Variants in SGPP2 observed in about 807,000 individuals in gnomAD.
SGPP2 encodes sphingosine 1-phosphate phosphohydrolase 2.
SGPP2 carries 30 observed loss-of-function variants against 33.9 expected under a neutral mutation model. That is an observed-to-expected ratio of 0.89 (90% CI 0.66 to 1.20). The LOEUF is 1.20. Among genes scored for constraint, SGPP2 ranks in the 50% most tolerant of loss-of-function variants. The pLI, the probability that SGPP2 is intolerant of heterozygous loss-of-function variation, is 0.00. For synonymous variants in SGPP2, 233 were observed against 225.0 expected (o/e 1.04, Z -0.32); for missense variants, 458 against 532.1 (o/e 0.86, Z 1.37).
chr2:222,493,673 A>G (rs1698231824), intron 2 of SGPP2, among the ~76,000 whole-genome samples: 2 of 152,246 alleles, frequency 1.3e-5, no homozygotes, highest in Admixed American at 1.3e-4. Context: ...TTAATTTTGT[A>G]AAGCATTAAT....
intron 4 of SGPP2, among the ~76,000 whole-genome samples, chr2:222,546,180 A>AT (rs146865056): frequency 0.038 from 5,807 of 152,206 alleles, 222 homozygotes; most frequent in African/African-American, 0.099. Context: ...GATTTATTTG[A>AT]TTTTTTTAAA....
At chr2:222,552,855 C>T (rs1689320388) in intron 4 of SGPP2, among the ~76,000 whole-genome samples, 1 of 152,132 alleles carries the variant, frequency 6.6e-6, no homozygotes, top group African/African-American at 2.4e-5. Context: ...AGCGAAACTC[C>T]ATCTCAAACA....
chr2:222,424,006 G>T (rs1256410875), upstream of SGPP2, among the ~76,000 whole-genome samples: 1 of 152,116 alleles, frequency 6.6e-6, no homozygotes, highest in Non-Finnish European at 1.5e-5. Flanking sequence ...GTTGCATCAC[G>T]CAGTTTGGAA....
chr2:222,530,835 C>G (rs1698826757), intron 4 of SGPP2, among the ~76,000 whole-genome samples: 1 of 152,120 alleles, frequency 6.6e-6, no homozygotes, highest in Non-Finnish European at 1.5e-5. Context: ...TTTTGAAATG[C>G]CTTCCTCACT....
chr2:222,558,422 C>T lies in SGPP2; in HGVS notation c.724C>T (p.Leu242=). Residue 242 remains leucine (L), a synonymous_variant, in exon 5 of 5, where the codon CTG becomes TTG. Coordinates refer to ENST00000321276, the MANE Select transcript of SGPP2 (RefSeq NM_152386.4). ...TYPAWTFIDC[L]DSASPLFPVC... is the part of the protein sequence containing the mutation. Reference sequence around the variant, plus strand: ...CCCTGCCTGGACCTTCATCGACTGCCTGGACTCGGCCAGCCCCCTCTTCCC... The same window carrying T: ...CCCTGCCTGGACCTTCATCGACTGCTTGGACTCGGCCAGCCCCCTCTTCCC... 1 of 1,614,192 alleles carries T rather than the reference C, an allele frequency of 6.2e-7. No homozygotes were observed. The highest frequency in any genetic ancestry group is 1.3e-5 in the African/African-American group (1 of 75,044).
chr2:222,476,809 C>A lies in SGPP2; in HGVS notation c.378+2083C>A, dbSNP rs1184809733. Among the ~76,000 whole-genome samples the A allele has an allele frequency of 6.8e-6, 1 of 147,470 alleles. No homozygotes were observed. Among genetic ancestry groups the A allele is most frequent in the East Asian group, 2.0e-4 (1 of 4,914 alleles). On this transcript the variant is annotated intron_variant, in intron 2 of 4. Coordinates refer to ENST00000321276, the MANE Select transcript of SGPP2 (RefSeq NM_152386.4). This position sits in a 1 kb window ranked among gnomAD's most constrained non-coding sequence, Gnocchi z 4.3. ...GTATACAGGTGTGTGTATATCCGTG[C>A]GTGTATATAGGTGTGTGTATATGTG...
At chr2:222,492,859 G>C (rs943625249) in intron 2 of SGPP2, among the ~76,000 whole-genome samples, 1 of 152,202 alleles carries the variant, frequency 6.6e-6, no homozygotes, top group African/African-American at 2.4e-5. Context: ...CAAAATGCCA[G>C]CAGTCTCTTT....
rs567686873 is a variant in SGPP2, at chr2:222,521,919, C to T, written c.531C>T (p.Leu177=). ...CGGCCACTGCCATTGCCTTCACCCTCCTTATCTCTACTATGGACAGATACC... is the reference window on the plus strand; with the variant it reads ...CGGCCACTGCCATTGCCTTCACCCTTCTTATCTCTACTATGGACAGATACC... The part of the protein sequence containing the change: ...AMAATAIAFT[L]LISTMDRYQY... The change falls in exon 3 of 5, where the codon CTC becomes CTT. Residue 177 remains leucine (L), a synonymous_variant. Transcript: ENST00000321276. 6.9e-6 allele frequency: 11 copies of T among 1,600,878 alleles called. No homozygotes were observed. The South Asian group carries it at 1.0e-4, about 15-fold the overall frequency.
chr2:222,545,710 C>A (rs577778157), intron 4 of SGPP2, among the ~76,000 whole-genome samples: 3 of 152,226 alleles, frequency 2.0e-5, no homozygotes, highest in Non-Finnish European at 4.4e-5. Flanking sequence ...AAAAGGGAAC[C>A]ATGTTCTCAA....
chr2:222,515,915 G>A (rs1698597761), intron 2 of SGPP2, among the ~76,000 whole-genome samples: 1 of 152,076 alleles, frequency 6.6e-6, no homozygotes. Context: ...AGGTGTGGTA[G>A]CGCGTGACTG....
intron 1 of SGPP2, among the ~76,000 whole-genome samples, chr2:222,471,392 A>G (rs1697839387): frequency 6.6e-6 from 1 of 152,046 alleles, no homozygotes; most frequent in Admixed American, 6.6e-5. Context: ...TGTCAAGTAC[A>G]GTTATGTTCT....
chr2:222,514,050 T>C (rs2106127525), intron 2 of SGPP2, among the ~76,000 whole-genome samples: 1 of 152,376 alleles, frequency 6.6e-6, no homozygotes, highest in East Asian at 1.9e-4. Context: ...ATATTCCTTT[T>C]ACTTTCTTAA....
At chr2:222,517,528 T>TA (rs1681036584) in intron 2 of SGPP2, among the ~76,000 whole-genome samples, 1 of 152,088 alleles carries the variant, frequency 6.6e-6, no homozygotes, top group Non-Finnish European at 1.5e-5. Context: ...ACCCCTGTAT[T>TA]CACCATCCTT....
At chr2:222,485,100 T>C (rs1215500544) in intron 2 of SGPP2, among the ~76,000 whole-genome samples, 1 of 152,078 alleles carries the variant, frequency 6.6e-6, no homozygotes, top group Non-Finnish European at 1.5e-5. Context: ...AACCAGTAAA[T>C]AGAATAGGTA....
At chr2:222,466,477 C>G (rs1327764508) in intron 1 of SGPP2, among the ~76,000 whole-genome samples, 7 of 152,050 alleles carry the variant, frequency 4.6e-5, no homozygotes, top group Non-Finnish European at 1.0e-4. Context: ...CCAGGATGGT[C>G]TCGATCTCCT....
At chr2:222,494,368 C>A (rs1698243660) in intron 2 of SGPP2, among the ~76,000 whole-genome samples, 1 of 152,210 alleles carries the variant, frequency 6.6e-6, no homozygotes, top group African/African-American at 2.4e-5. Context: ...GCCCAAAAAG[C>A]TGGACTGTAG....
intron 2 of SGPP2, among the ~76,000 whole-genome samples, chr2:222,500,422 T>C (rs1187202577): frequency 6.6e-6 from 1 of 152,166 alleles, no homozygotes; most frequent in Non-Finnish European, 1.5e-5. Flanking sequence ...CACAGCCAGT[T>C]TGAGGGTGTT....
intron 4 of SGPP2, among the ~76,000 whole-genome samples, chr2:222,556,229 C>G (rs1378374701): frequency 6.6e-6 from 1 of 151,976 alleles, no homozygotes; most frequent in East Asian, 1.9e-4. Flanking sequence ...ACCAAGAAGC[C>G]TATATGAAGG....
chr2:222,516,878 T>C (rs114271806), intron 2 of SGPP2, among the ~76,000 whole-genome samples: 2,284 of 152,334 alleles, frequency 0.015, 46 homozygotes, highest in African/African-American at 0.052. Flanking sequence ...ACTAAGTGTT[T>C]TGCATACATT....
Sources: gnomAD v4.1 joint callset for allele counts (sites outside exome capture counted in the v4.1 genomes callset) on GRCh38, gnomAD v4.1.1 for gene constraint, Gnocchi (gnomAD v3.1) non-coding constraint, MANE v1.5 for transcripts, NCBI Gene and HGNC (gene_info 2026-07-23, HGNC 2026-07-21) for gene names.